Variants in ITGA8 observed in about 807,000 individuals in gnomAD.
The protein encoded by ITGA8 is integrin subunit alpha 8.
A neutral mutation model predicts 142.3 loss-of-function variants in ITGA8; 91 were observed. That is an observed-to-expected ratio of 0.64 (90% CI 0.54 to 0.76). The LOEUF is 0.76. Among genes scored for constraint, ITGA8 ranks in the 30% least tolerant of loss-of-function variants. The pLI, the probability that ITGA8 is intolerant of heterozygous loss-of-function variation, is 0.00. For missense variants in ITGA8, 1,406 were observed against 1,327.7 expected (o/e 1.06, Z -0.92); for synonymous variants, 505 against 485.2 (o/e 1.04, Z -0.54).
At chr10:15,519,612 A>G (rs1436328910) in intron 28 of ITGA8, among the ~76,000 whole-genome samples, 200 bp from the exon 29 acceptor site, 1 of 152,100 alleles carries the variant, frequency 6.6e-6, no homozygotes, top group African/African-American at 2.4e-5. Context: ...TGGTTCTGTA[A>G]AAGTCTAATT....
At chr10:15,543,205 T>C (rs1833605185) in intron 27 of ITGA8, among the ~76,000 whole-genome samples, 2 of 152,284 alleles carry the variant, frequency 1.3e-5, no homozygotes, top group Non-Finnish European at 2.9e-5. Context: ...CAGGCAGGAA[T>C]GGAACTGAGC....
At chr10:15,559,321 G>A (rs1174316965) in intron 25 of ITGA8, among the ~76,000 whole-genome samples, 1 of 152,206 alleles carries the variant, frequency 6.6e-6, no homozygotes, top group Non-Finnish European at 1.5e-5. Context: ...CACTCGCCAA[G>A]CCTCTGATGT....
At chr10:15,529,574 G>A (rs1410086922) in intron 28 of ITGA8, among the ~76,000 whole-genome samples, 1 of 152,184 alleles carries the variant, frequency 6.6e-6, no homozygotes, top group East Asian at 1.9e-4. Context: ...AAAGCACAGT[G>A]TCAGGGTCCC....
chr10:15,563,964 A>C (rs2131574993), intron 25 of ITGA8, among the ~76,000 whole-genome samples: 1 of 152,296 alleles, frequency 6.6e-6, no homozygotes, highest in African/African-American at 2.4e-5. Flanking sequence ...AAACTCTTTA[A>C]CTTCCGGTGT....
In ITGA8 at chr10:15,620,474, G is replaced by A. The variant is rs184774202; in HGVS notation, c.1400-3915C>T. 5.0e-4 allele frequency among the ~76,000 whole-genome samples: 76 copies of A among 152,252 alleles called. 1 individual carries two copies. The highest frequency in any genetic ancestry group is 3.4e-3 in the Middle Eastern group (1 of 294). On this transcript the variant is annotated intron_variant, in intron 13 of 29. Transcript: ENST00000378076. Reference sequence around the variant, plus strand: ...AACTTTAATTTCTGTGCCTTCGGGTGGGAATTTTTTCTACTCTGGAAAAAT... The same window carrying A: ...AACTTTAATTTCTGTGCCTTCGGGTAGGAATTTTTTCTACTCTGGAAAAAT...
At chr10:15,620,561 G>A (rs560368853) in intron 13 of ITGA8, among the ~76,000 whole-genome samples, 1 of 152,298 alleles carries the variant, frequency 6.6e-6, no homozygotes, top group East Asian at 1.9e-4. Context: ...GTTATTCAGA[G>A]GCAAAGAAAA....
In ITGA8 at chr10:15,671,655, A is replaced by G; in HGVS notation, c.803-8T>C. 6.2e-7 allele frequency: 1 copy of G among 1,602,866 alleles called. No homozygotes were observed. The highest frequency in any genetic ancestry group is 8.5e-7 in the Non-Finnish European group (1 of 1,170,068). ...CAGCAGCAACTGAGTATCCTGTTTT[A>G]AAGAAAAAGAAACAAACTAATCACA... is the stretch of plus-strand genomic sequence containing the variant. On this transcript the variant is annotated splice_polypyrimidine_tract_variant and splice_region_variant and intron_variant, in intron 7 of 29. Coordinates refer to ENST00000378076, the MANE Select transcript of ITGA8 (RefSeq NM_003638.3).
At chr10:15,570,487 G>C (rs1169178480) in intron 25 of ITGA8, among the ~76,000 whole-genome samples, 6 of 151,980 alleles carry the variant, frequency 3.9e-5, no homozygotes, top group African/African-American at 1.4e-4. Context: ...GTACACGCCT[G>C]TAATCCCAGC....
rs7091654 is a variant in ITGA8, at chr10:15,694,302, A to C, written c.344-6264T>G. 6.5e-3 allele frequency among the ~76,000 whole-genome samples: 219 copies of C among 33,800 alleles called. 3 individuals are homozygous for C. The highest frequency in any genetic ancestry group is 0.017 in the African/African-American group (204 of 12,326). 22.2% of individuals were successfully genotyped at this position (33,800 alleles called of 152,430 possible). On this transcript the variant is annotated intron_variant, in intron 2 of 29. Coordinates refer to ENST00000378076, the MANE Select transcript of ITGA8 (RefSeq NM_003638.3). ...ATACATCAGATAATATATCATATAT[A>C]TGATAATATATCATATATATGATAA...
At chr10:15,643,102 C>T (rs751629528) in intron 13 of ITGA8, among the ~76,000 whole-genome samples, 59 of 152,190 alleles carry the variant, frequency 3.9e-4, no homozygotes, top group Admixed American at 1.4e-3. Flanking sequence ...TAAGACAAAT[C>T]AATGTCTTCA....
At chr10:15,570,617 A>G (rs1360309994) in intron 25 of ITGA8, among the ~76,000 whole-genome samples, 1 of 150,966 alleles carries the variant, frequency 6.6e-6, no homozygotes, top group Non-Finnish European at 1.5e-5. Context: ...TCTCAAAAAA[A>G]AAAAAAAAAA....
chr10:15,646,779 C>G, intron 12 of ITGA8, 67 bp downstream of exon 12: 2 of 1,190,196 alleles, frequency 1.7e-6, no homozygotes, highest in East Asian at 2.4e-5. Flanking sequence ...TACTTTAAAA[C>G]AGGCATGGTC....
At position 15,719,802 on chromosome 10, in the gene ITGA8, C is replaced by T. The variant is rs1835529280; in HGVS notation, c.-31G>A. ...TCCGCCCCGGTGGGTGGCTGCTACC[C>T]AGGAGCGCGAGCCGAGGACCCCTGC... is the stretch of plus-strand genomic sequence containing the variant. On this transcript the variant is annotated 5_prime_UTR_variant, in exon 1 of 30. Coordinates refer to ENST00000378076, the MANE Select transcript of ITGA8 (RefSeq NM_003638.3). The T allele has an allele frequency of 4.5e-6, 6 of 1,326,594 alleles. No individual in the cohort carries two copies. Among genetic ancestry groups the T allele is most frequent in the Non-Finnish European group, 5.7e-6 (6 of 1,044,562 alleles). The allele number at this position is 1,326,594 out of a possible 1,614,324, so 82.2% of individuals were successfully genotyped here.
At position 15,523,070 on chromosome 10, in the gene ITGA8, G is replaced by A. The variant is rs1833100211; in HGVS notation, c.2983-3658C>T. On this transcript the variant is annotated intron_variant, in intron 28 of 29. Coordinates refer to ENST00000378076, the MANE Select transcript of ITGA8 (RefSeq NM_003638.3). ...CCTGCCTACTATTTTATGTTAAACA[G>A]AAAAGAGTTCAAGTTTTATAAGTTA... 2.0e-5 allele frequency among the ~76,000 whole-genome samples: 3 copies of A among 151,956 alleles called. No homozygotes were observed. In the South Asian group the frequency reaches 6.2e-4, roughly 32 times the overall value.
intron 8 of ITGA8, among the ~76,000 whole-genome samples, chr10:15,663,203 G>A (rs1376174574): frequency 6.6e-6 from 1 of 152,138 alleles, no homozygotes; most frequent in African/African-American, 2.4e-5. Context: ...TCCTGGATTT[G>A]TAGTGGTCTG....
At chr10:15,588,517 G>C (rs1832870686) in intron 22 of ITGA8, among the ~76,000 whole-genome samples, 1 of 152,130 alleles carries the variant, frequency 6.6e-6, no homozygotes, top group Admixed American at 6.6e-5. Context: ...AAGTAATTAA[G>C]TAATTTTACT....
At chr10:15,653,150 T>G (rs906018971) in intron 11 of ITGA8, among the ~76,000 whole-genome samples, 10 of 152,278 alleles carry the variant, frequency 6.6e-5, no homozygotes, top group African/African-American at 2.4e-4. Context: ...AATACGCACC[T>G]TTTGCTCTTC....
Position 15,543,041 on chromosome 10 carries a change from G to A in ITGA8, c.2880+5414C>T, listed in dbSNP as rs185376148. 1.8e-4 allele frequency among the ~76,000 whole-genome samples: 27 copies of A among 152,282 alleles called. No individual in the cohort carries two copies. In the South Asian group the frequency reaches 4.8e-3, roughly 27 times the overall value. On this transcript the variant is annotated intron_variant, in intron 27 of 29. Coordinates refer to ENST00000378076, the MANE Select transcript of ITGA8 (RefSeq NM_003638.3). ...ATTAAGAGCATACAGAGTTATTGCT[G>A]GCTTACACCAAGTAGAATAAACACC...
intron 2 of ITGA8, among the ~76,000 whole-genome samples, chr10:15,697,075 G>A (rs1310641285): frequency 1.5e-5 from 1 of 65,096 alleles, no homozygotes; most frequent in Non-Finnish European, 3.6e-5. Context: ...ACAAGAAATA[G>A]TATGAAAATA....
Sources: allele counts gnomAD v4.1 joint callset (sites outside exome capture counted in the v4.1 genomes callset), GRCh38; gene constraint gnomAD v4.1.1; transcripts MANE v1.5; gene names NCBI Gene and HGNC (gene_info 2026-07-23, HGNC 2026-07-21).